Variants in ADGRV1 observed in about 807,000 individuals in gnomAD.
ADGRV1 encodes the protein G-protein coupled receptor 98.
Under a neutral mutation model 596.2 loss-of-function variants are expected in ADGRV1, and 359 were observed. The ratio of observed to expected loss-of-function variants is 0.60; its 90% CI spans 0.55 to 0.66. The LOEUF (loss-of-function observed/expected upper bound fraction) is 0.66. Among genes scored for constraint, ADGRV1 ranks in the 30% least tolerant of loss-of-function variants. The probability of loss-of-function intolerance (pLI) is 0.00; values close to 1 mark genes in which losing one functional copy is unlikely to be tolerated. For synonymous variants in ADGRV1, 2,681 were observed against 2,679.2 expected, an observed-to-expected ratio of 1.00 and a Z score of -0.02; for missense variants, 7,274 against 7,575.6, an observed-to-expected ratio of 0.96 and a Z score of 1.48.
At chr5:90,874,014 A>T (rs999988323) in intron 83 of ADGRV1, among the ~76,000 whole-genome samples, 1 of 152,130 alleles carries the variant, frequency 6.6e-6, no homozygotes, top group Non-Finnish European at 1.5e-5. Context: ...CAGCAGCAGG[A>T]GTGGTCCTTT....
At chr5:91,028,155 T>G (rs1460974801) in intron 85 of ADGRV1, among the ~76,000 whole-genome samples, 4 of 152,074 alleles carry the variant, frequency 2.6e-5, no homozygotes, top group African/African-American at 7.2e-5. Flanking sequence ...ATAGAGCTTC[T>G]GCTTCTGAAT....
chr5:90,891,029 T>G (rs1376558428), intron 83 of ADGRV1, among the ~76,000 whole-genome samples: 1 of 151,832 alleles, frequency 6.6e-6, no homozygotes, highest in Non-Finnish European at 1.5e-5. Context: ...TTTTTACCTC[T>G]AGGAAGAAGG....
At chr5:90,951,948 A>G (rs1181473964) in intron 83 of ADGRV1, among the ~76,000 whole-genome samples, 1 of 152,182 alleles carries the variant, frequency 6.6e-6, no homozygotes, top group African/African-American at 2.4e-5. Context: ...TTGCCATAAT[A>G]CTGTCATGCA....
Position 90,975,315 on chromosome 5 carries a change from T to TA in ADGRV1, c.17973+9785dup, listed in dbSNP as rs541644148. On this transcript the variant is annotated intron_variant, in intron 84 of 89. Transcript: ENST00000405460. ...TGGCGATTCCTCAAGGATCTAGAACTAGAAATACCATTTGACCCAGCCATC... is the reference window on the plus strand; with the variant it reads ...TGGCGATTCCTCAAGGATCTAGAACTAAGAAATACCATTTGACCCAGCCATC... Among the ~76,000 whole-genome samples, 11 of 152,160 alleles carry TA rather than the reference T, an allele frequency of 7.2e-5. No homozygotes were observed. In the South Asian group the frequency reaches 1.7e-3, roughly 23 times the overall value.
At chr5:91,103,793 T>C (rs1009229086) in intron 87 of ADGRV1, among the ~76,000 whole-genome samples, 3 of 152,276 alleles carry the variant, frequency 2.0e-5, no homozygotes, top group East Asian at 3.9e-4. Flanking sequence ...ACACATTTAA[T>C]GCTTATTAAA....
Position 90,736,900 on chromosome 5 carries a change from T to TAA in ADGRV1, c.10549+7144_10549+7145dup, listed in dbSNP as rs539905927. Reference sequence around the variant, plus strand: ...CTAAGGGTTTGTCAACTTTTTCTTTTAAAAAAAAACAATTCTTAGTTTTAT... The same window carrying TAA: ...CTAAGGGTTTGTCAACTTTTTCTTTTAAAAAAAAAAACAATTCTTAGTTTTAT... On this transcript the variant is annotated intron_variant, in intron 50 of 89. Coordinates refer to ENST00000405460, the MANE Select transcript of ADGRV1 (RefSeq NM_032119.4). Among the ~76,000 whole-genome samples the TAA allele has an allele frequency of 1.3e-4, 19 of 150,826 alleles. 1 individual carries two copies. Among genetic ancestry groups the TAA allele is most frequent in the African/African-American group, 4.6e-4 (19 of 41,338 alleles).
At chr5:90,681,513 G>A in intron 27 of ADGRV1, 59 bp downstream of exon 27, 1 of 1,499,046 alleles carries the variant, frequency 6.7e-7, no homozygotes, top group Non-Finnish European at 9.0e-7. Flanking sequence ...AAACTGTACT[G>A]TGCTATGAAA....
In ADGRV1 at chr5:90,756,817, T is replaced by C. The variant is rs1755878510; in HGVS notation, c.11758-162T>C. The C allele has an allele frequency of 5.4e-6, 4 of 741,414 alleles. No individual in the cohort carries two copies. The South Asian group carries it at 8.9e-5, about 16-fold the overall frequency. The allele number at this position is 741,414 out of a possible 1,614,324, so 45.9% of individuals were successfully genotyped here. On this transcript the variant is annotated intron_variant, in intron 56 of 89. Coordinates refer to ENST00000405460, the MANE Select transcript of ADGRV1 (RefSeq NM_032119.4). ...ATTCAACAAGTTTACTTTCATTAAA[T>C]ATAAGAGTTCAGAAGACCTTTTATG...
chr5:90,598,457 G>A (rs1054898882), intron 1 of ADGRV1, among the ~76,000 whole-genome samples: 1 of 152,232 alleles, frequency 6.6e-6, no homozygotes, highest in Non-Finnish European at 1.5e-5. Flanking sequence ...TAAAGAAATG[G>A]CATAGGCAGT....
intron 85 of ADGRV1, among the ~76,000 whole-genome samples, chr5:91,017,708 C>T (rs1475759092): frequency 1.3e-5 from 2 of 151,808 alleles, no homozygotes; most frequent in Non-Finnish European, 2.9e-5. Flanking sequence ...GAATTTACCC[C>T]CAGGACAATG....
At chr5:90,895,754 G>T (rs1771251165) in intron 83 of ADGRV1, among the ~76,000 whole-genome samples, 1 of 152,126 alleles carries the variant, frequency 6.6e-6, no homozygotes, top group Non-Finnish European at 1.5e-5. Flanking sequence ...GTTTTAACTT[G>T]CTGTCCTCCA....
chr5:90,635,565 G>A (rs1330931055), intron 10 of ADGRV1, among the ~76,000 whole-genome samples: 2 of 151,790 alleles, frequency 1.3e-5, no homozygotes, highest in Non-Finnish European at 2.9e-5. Context: ...TATGACATTC[G>A]ATACTACAGT....
intron 61 of ADGRV1, among the ~76,000 whole-genome samples, 200 bp downstream of exon 61, chr5:90,776,776 A>T (rs1361296416): frequency 6.6e-6 from 1 of 152,182 alleles, no homozygotes; most frequent in Non-Finnish European, 1.5e-5. Context: ...ATATTAGATC[A>T]TGAGAAGGTT....
In ADGRV1 at chr5:90,810,459, A is replaced by G. The variant is rs1227963459; in HGVS notation, c.15199A>G (p.Lys5067Glu). Residue 5067 changes from lysine to glutamate, a missense_variant, in exon 74 of 90, where the codon AAA (lysine) becomes GAA (glutamate). By Grantham distance (56) the Lys-to-Glu change is moderately conservative. Around this residue, in one of 5 missense-constraint regions of ADGRV1, gnomAD observed 1,874 missense variants for 1,970.2 expected, o/e 0.95. Transcript: ENST00000405460. Reference protein sequence around the residue: ...PVQNGELFFQKFQTEVDFEIT... With the variant: ...PVQNGELFFQEFQTEVDFEIT... The stretch of plus-strand genomic sequence containing the variant: ...TCAGAATGGGGAACTGTTTTTTCAA[A>G]AATTCCAAACTGAGGTTGATTTTGA... 3.7e-6 allele frequency: 6 copies of G among 1,613,796 alleles called. No homozygotes were observed. Among genetic ancestry groups the G allele is most frequent in the Admixed American group, 3.3e-5 (2 of 59,990 alleles).
chr5:91,035,861 T>TATATATATATATATATATATATATAATA, intron 85 of ADGRV1, among the ~76,000 whole-genome samples: 1 of 96,402 alleles, frequency 1.0e-5, no homozygotes, highest in African/African-American at 3.8e-5. Flanking sequence ...TATATATATA[T>TATATATATATATATATATATATATAATA]TATATATATA....
At position 90,790,986 on chromosome 5, in the gene ADGRV1, A is replaced by G. The variant is rs779582048; in HGVS notation, c.14157A>G (p.Leu4719=). 10 of 1,613,772 alleles carry G rather than the reference A, an allele frequency of 6.2e-6. No homozygotes were observed. The South Asian group carries it at 1.1e-4, about 18-fold the overall frequency. Residue 4719 remains leucine, a synonymous_variant, in exon 70 of 90, where the codon CTA becomes CTG. Coordinates refer to ENST00000405460, the MANE Select transcript of ADGRV1 (RefSeq NM_032119.4). The part of the protein sequence containing the change: ...ESEASFDVHL[L]PDEVPEIEED... ...AAGCTAGCTTTGATGTTCATTTGCT[A>G]CCAGATGAGGTACCTGAGATAGAGG...
intron 5 of ADGRV1, among the ~76,000 whole-genome samples, chr5:90,624,876 T>C (rs909379027): frequency 3.1e-5 from 4 of 129,820 alleles, no homozygotes; most frequent in South Asian, 2.7e-4. Context: ...AGTTTTTTTT[T>C]TCCCCTCAGG....
chr5:90,960,511 C>T (rs1309183862), intron 83 of ADGRV1, among the ~76,000 whole-genome samples: 1 of 152,002 alleles, frequency 6.6e-6, no homozygotes, highest in African/African-American at 2.4e-5. Flanking sequence ...TTTTCGAAGA[C>T]ATTAAAATTA....
At chr5:90,595,727 T>A (rs1430094899) in intron 1 of ADGRV1, among the ~76,000 whole-genome samples, 5 of 101,378 alleles carry the variant, frequency 4.9e-5, no homozygotes, top group African/African-American at 1.2e-4. Context: ...CACTTCCCAG[T>A]AGGGGCGGCC....
Sources: allele counts gnomAD v4.1 joint callset (sites outside exome capture counted in the v4.1 genomes callset), GRCh38; gene constraint gnomAD v4.1.1; regional missense constraint gnomAD v4.1.1; transcripts MANE v1.5; gene names NCBI Gene and HGNC (gene_info 2026-07-23, HGNC 2026-07-21).